The following EIF4G1 variants were observed in gnomAD, a reference collection of about 807,000 sequenced individuals.
EIF4G1 encodes the protein EIF4-gamma.
EIF4G1 carries 4 observed loss-of-function variants against 187.8 expected under a neutral mutation model. The ratio of observed to expected loss-of-function variants is 0.02; its 90% CI spans 0.01 to 0.05. The LOEUF (loss-of-function observed/expected upper bound fraction) is 0.05, where lower values mean the gene tolerates loss of function less well. EIF4G1 is among the 10% of genes least tolerant of loss of function. EIF4G1 has a pLI of 1.00. For synonymous variants in EIF4G1, 844 were observed against 781.4 expected (o/e 1.08, Z -1.34); for missense variants, 1,647 against 2,081.1 (o/e 0.79, Z 4.06).
At chr3:184,315,721 T>C in intron 2 of EIF4G1, 42 bp from the exon 3 acceptor site, 6 of 1,486,206 alleles carry the variant, frequency 4.0e-6, no homozygotes, top group Non-Finnish European at 3.7e-6. Context: ...TGCCTTAAGC[T>C]TGGGTCCCTT....
At chr3:184,333,542 A>T (rs1159183856) in intron 32 of EIF4G1, among the ~76,000 whole-genome samples, 2 of 152,062 alleles carry the variant, frequency 1.3e-5, no homozygotes, top group Non-Finnish European at 2.9e-5. Context: ...GAGGAGAGGG[A>T]TGTGGTTGAT....
intron 2 of EIF4G1, 65 bp downstream of exon 2, chr3:184,315,610 G>A (rs1282137648): frequency 2.6e-6 from 2 of 773,114 alleles, no homozygotes; most frequent in African/African-American, 1.7e-5. Context: ...TTGACAGCAT[G>A]TTGGTGGGGA....
At chr3:184,326,771 T>C in intron 22 of EIF4G1, 110 bp from the exon 23 acceptor site, 1 of 1,509,182 alleles carries the variant, frequency 6.6e-7, no homozygotes, top group South Asian at 1.1e-5. Flanking sequence ...GTTCCAGGGA[T>C]TGAACTGCTT....
At chr3:184,321,142 T>C in intron 9 of EIF4G1, 140 bp from the exon 10 acceptor site, 1 of 1,489,502 alleles carries the variant, frequency 6.7e-7, no homozygotes, top group Non-Finnish European at 9.2e-7. Flanking sequence ...GGGTTTTGGA[T>C]GAAAGTGGAA....
chr3:184,333,232 T>A (rs1185251547), intron 32 of EIF4G1, among the ~76,000 whole-genome samples: 1 of 152,194 alleles, frequency 6.6e-6, no homozygotes, highest in Non-Finnish European at 1.5e-5. Flanking sequence ...CATAGTGTGA[T>A]GTCATTTGCT....
intron 1 of EIF4G1, 103 bp downstream of exon 1, chr3:184,314,777 G>A (rs1722404631): frequency 7.1e-6 from 1 of 139,992 alleles, no homozygotes; most frequent in African/African-American, 2.6e-5. Context: ...CCGCCCCGGC[G>A]CCCTGGCCCC....
At position 184,325,782 on chromosome 3, in the gene EIF4G1, G is replaced by A; in HGVS notation, c.3122-69G>A. On this transcript the variant is annotated intron_variant, in intron 20 of 32. Coordinates refer to ENST00000346169, the MANE Select transcript of EIF4G1 (RefSeq NM_198241.3). This position sits in a 1 kb window ranked among gnomAD's most constrained non-coding sequence, Gnocchi z 5.2. The stretch of plus-strand genomic sequence containing the variant: ...TGAGGATCTGAGGAAGGGAGGCTGG[G>A]GGTGGCCCAAGGGGAAGGGGCTGCT... 6.2e-7 allele frequency: 1 copy of A among 1,611,928 alleles called. No homozygotes were observed. Among genetic ancestry groups the A allele is most frequent in the Admixed American group, 1.7e-5 (1 of 60,018 alleles).
chr3:184,322,163 C>G, intron 10 of EIF4G1, 60 bp downstream of exon 10: 1 of 1,611,164 alleles, frequency 6.2e-7, no homozygotes, highest in Non-Finnish European at 8.5e-7. Flanking sequence ...CCTTGCCCTC[C>G]TTGATGACCG....
intron 28 of EIF4G1, among the ~76,000 whole-genome samples, chr3:184,329,807 C>T (rs926489313): frequency 1.8e-4 from 28 of 151,884 alleles, no homozygotes; most frequent in African/African-American, 4.8e-4. Flanking sequence ...TGGTAACTAG[C>T]GAATATAAAG....
intron 4 of EIF4G1, 139 bp from the exon 5 acceptor site, chr3:184,317,182 A>G: frequency 2.0e-6 from 2 of 994,404 alleles, no homozygotes; most frequent in South Asian, 2.6e-5. Context: ...CCATTTGGTC[A>G]AGTGGTCTTG....
intron 28 of EIF4G1, 59 bp from the exon 29 acceptor site, chr3:184,331,207 C>T (rs1726033255): frequency 5.8e-6 from 9 of 1,549,558 alleles, no homozygotes; most frequent in Non-Finnish European, 8.0e-6. Flanking sequence ...TGTGGTAGAG[C>T]TGTTGGGTCC....
chr3:184,316,343 G>T, intron 4 of EIF4G1, 125 bp downstream of exon 4: 1 of 1,246,686 alleles, frequency 8.0e-7, no homozygotes, highest in Non-Finnish European at 1.1e-6. Flanking sequence ...GTTCTTTCAT[G>T]CGGCTCTGCG....
At chr3:184,320,355 T>A in intron 7 of EIF4G1, 1 of 1,359,458 alleles carries the variant, frequency 7.4e-7, no homozygotes, top group Non-Finnish European at 9.5e-7. Flanking sequence ...AGCCACTGAC[T>A]TGGGGACTGC....
At chr3:184,315,218 C>T (rs1263989384) in intron 1 of EIF4G1, 2 of 373,796 alleles carry the variant, frequency 5.4e-6, no homozygotes, top group Non-Finnish European at 5.3e-6. Flanking sequence ...CCTTTTAGGG[C>T]CTGACTCCCG....
intron 27 of EIF4G1, 75 bp from the exon 28 acceptor site, chr3:184,328,834 C>T: frequency 6.2e-7 from 1 of 1,613,980 alleles, no homozygotes; most frequent in South Asian, 1.1e-5. Flanking sequence ...GTTGGATACC[C>T]TGGTTTGGAG....
intron 24 of EIF4G1, 64 bp downstream of exon 24, chr3:184,327,512 G>T: frequency 6.2e-7 from 1 of 1,612,984 alleles, no homozygotes. Context: ...CTGGTCCCCA[G>T]CTTTTTGAGA....
chr3:184,316,573 C>T (rs1402399352), intron 4 of EIF4G1: 2 of 814,956 alleles, frequency 2.5e-6, no homozygotes, highest in Admixed American at 2.5e-5. Flanking sequence ...AACACTCCAG[C>T]TGGTCCTTGC....
At chr3:184,317,092 A>G (rs1398046189) in intron 4 of EIF4G1, among the ~76,000 whole-genome samples, 2 of 152,052 alleles carry the variant, frequency 1.3e-5, no homozygotes, top group African/African-American at 4.8e-5. Context: ...GCAGTGAGAG[A>G]GTAAATCTCT....
At chr3:184,314,738 TC>T (rs889409427) in intron 1 of EIF4G1, 64 bp downstream of exon 1, 2 of 55,660 alleles carry the variant, frequency 3.6e-5, no homozygotes, top group Admixed American at 4.3e-4. Flanking sequence ...TCCGCCGCCA[TC>T]CGGGCCGGGA....
Sources: gnomAD v4.1 joint callset for allele counts (sites outside exome capture counted in the v4.1 genomes callset) on GRCh38, gnomAD v4.1.1 for gene constraint, Gnocchi (gnomAD v3.1) non-coding constraint, MANE v1.5 for transcripts, NCBI Gene and HGNC (gene_info 2026-07-23, HGNC 2026-07-21) for gene names.